The following DLGAP1 variants were observed in gnomAD, a reference collection of about 807,000 sequenced individuals.
The protein encoded by DLGAP1 is disks large-associated protein 1.
In DLGAP1, 11 loss-of-function variants were observed where a neutral mutation model predicts 90.8. That is an observed-to-expected ratio of 0.12 (90% CI 0.08 to 0.20). The LOEUF is 0.20. Among genes scored for constraint, DLGAP1 ranks in the 10% least tolerant of loss-of-function variants. DLGAP1 has a pLI of 1.00. For missense variants in DLGAP1, 1,050 were observed against 1,333.8 expected (o/e 0.79, Z 3.31); for synonymous variants, 558 against 540.7 (o/e 1.03, Z -0.44).
At chr18:4,002,286 CCTGT>C (rs1286074907) in intron 3 of DLGAP1, among the ~76,000 whole-genome samples, 1 of 125,928 alleles carries the variant, frequency 7.9e-6, no homozygotes, top group African/African-American at 2.9e-5. Flanking sequence ...CATCTACCTG[CCTGT>C]CTATGTTAAC....
At chr18:3,913,783 A>G (rs1212383675) in intron 3 of DLGAP1, among the ~76,000 whole-genome samples, 3 of 152,202 alleles carry the variant, frequency 2.0e-5, no homozygotes, top group Admixed American at 2.0e-4. Context: ...CTAATCTACT[A>G]CGGCATGTCT....
At chr18:3,787,275 A>G (rs925348630) in intron 5 of DLGAP1, among the ~76,000 whole-genome samples, 1 of 151,924 alleles carries the variant, frequency 6.6e-6, no homozygotes, top group African/African-American at 2.4e-5. Flanking sequence ...CAAGATCAGG[A>G]GTTCAAAACC....
chr18:3,600,272 A>T (rs1164605106), intron 7 of DLGAP1, among the ~76,000 whole-genome samples: 1 of 151,550 alleles, frequency 6.6e-6, no homozygotes, highest in East Asian at 2.0e-4. Context: ...TTTTTATGAG[A>T]CGGAGTTTCT....
At chr18:3,501,541 T>A (rs2049933960) in intron 12 of DLGAP1, among the ~76,000 whole-genome samples, 1 of 152,184 alleles carries the variant, frequency 6.6e-6, no homozygotes, top group Non-Finnish European at 1.5e-5. Flanking sequence ...GGGACTGGAT[T>A]TTTCCTGGGA....
chr18:4,144,131 G>A (rs539952098), intron 2 of DLGAP1, among the ~76,000 whole-genome samples: 1 of 152,186 alleles, frequency 6.6e-6, no homozygotes, highest in Non-Finnish European at 1.5e-5. Flanking sequence ...ACTAGATCGT[G>A]AGCACGCCAA....
At chr18:3,988,857 G>T (rs1217257184) in intron 3 of DLGAP1, among the ~76,000 whole-genome samples, 1 of 152,216 alleles carries the variant, frequency 6.6e-6, no homozygotes, top group African/African-American at 2.4e-5. Flanking sequence ...CCAGTCCGCG[G>T]CTGTGGCGCT....
At chr18:4,369,330 C>A (rs552867060) in intron 1 of DLGAP1, among the ~76,000 whole-genome samples, 3 of 152,118 alleles carry the variant, frequency 2.0e-5, no homozygotes, top group South Asian at 2.1e-4. Flanking sequence ...AAATCCTATA[C>A]CTGGCAAACA....
chr18:3,682,202 C>G (rs1230561142), intron 7 of DLGAP1, among the ~76,000 whole-genome samples: 2 of 152,146 alleles, frequency 1.3e-5, no homozygotes, highest in East Asian at 3.9e-4. Context: ...GCACCTCCCC[C>G]TCACACCTCA....
chr18:3,717,775 G>GTA (rs1394810411), intron 7 of DLGAP1, among the ~76,000 whole-genome samples: 1 of 152,186 alleles, frequency 6.6e-6, no homozygotes, highest in Non-Finnish European at 1.5e-5. Context: ...CAAATTCTAT[G>GTA]TACAAGAACT....
chr18:4,365,070 T>A (rs2081730987), intron 1 of DLGAP1, among the ~76,000 whole-genome samples: 2 of 152,188 alleles, frequency 1.3e-5, no homozygotes, highest in Non-Finnish European at 2.9e-5. Flanking sequence ...CCTCCATGGA[T>A]CAAGGAAGAG....
chr18:4,337,427 A>G (rs1286998148), intron 1 of DLGAP1, among the ~76,000 whole-genome samples: 1 of 152,024 alleles, frequency 6.6e-6, no homozygotes, highest in Non-Finnish European at 1.5e-5. Flanking sequence ...TGATCTTTAA[A>G]TGATTCACCT....
At chr18:3,628,567 G>A (rs377044197) in intron 7 of DLGAP1, among the ~76,000 whole-genome samples, 2 of 152,154 alleles carry the variant, frequency 1.3e-5, no homozygotes, top group African/African-American at 4.8e-5. Context: ...CGAGCCTGCA[G>A]TTCACATTCC....
chr18:4,438,988 G>C (rs754243146), intron 1 of DLGAP1, among the ~76,000 whole-genome samples: 8 of 152,216 alleles, frequency 5.3e-5, no homozygotes, highest in Admixed American at 1.3e-4. Context: ...TGTCACGTTA[G>C]GAAGAGGAGG....
intron 7 of DLGAP1, among the ~76,000 whole-genome samples, chr18:3,590,127 C>T (rs929364360): frequency 1.3e-5 from 2 of 152,114 alleles, no homozygotes; most frequent in African/African-American, 4.8e-5. Flanking sequence ...TCAGGCTGGT[C>T]TCGAACTCCT....
intron 1 of DLGAP1, among the ~76,000 whole-genome samples, chr18:4,351,208 C>T (rs1044308802): frequency 6.6e-6 from 1 of 152,166 alleles, no homozygotes; most frequent in Non-Finnish European, 1.5e-5. Context: ...CAATTGTTAG[C>T]GTGTTTGCTG....
chr18:3,781,351 A>ATTTTTTTT (rs34073983), intron 5 of DLGAP1, among the ~76,000 whole-genome samples: 1 of 140,262 alleles, frequency 7.1e-6, no homozygotes, highest in Non-Finnish European at 1.6e-5. Flanking sequence ...GCAGCTTTCA[A>ATTTTTTTT]TTTTTTTTTT....
intron 5 of DLGAP1, chr18:3,770,064 T>A (rs2064451661): frequency 6.6e-6 from 1 of 152,192 alleles, no homozygotes; most frequent in African/African-American, 2.4e-5. Flanking sequence ...ACTGAGTTTG[T>A]ACCTAAGAAT....
intron 1 of DLGAP1, among the ~76,000 whole-genome samples, chr18:4,220,763 T>C (rs527355653): frequency 7.9e-5 from 12 of 152,252 alleles, no homozygotes; most frequent in African/African-American, 2.6e-4. Flanking sequence ...TCTTACTCTT[T>C]TTAAAAATGT....
At chr18:4,416,881 T>C (rs2082912638) in intron 1 of DLGAP1, among the ~76,000 whole-genome samples, 1 of 152,172 alleles carries the variant, frequency 6.6e-6, no homozygotes, top group Non-Finnish European at 1.5e-5. Flanking sequence ...CTTTTATTTT[T>C]CTCTTTCTTA....
Sources: gnomAD v4.1 joint callset for allele counts (sites outside exome capture counted in the v4.1 genomes callset) on GRCh38, gnomAD v4.1.1 for gene constraint, MANE v1.5 for transcripts, NCBI Gene and HGNC (gene_info 2026-07-23, HGNC 2026-07-21) for gene names.